Variants in XKR6 observed in about 807,000 individuals in gnomAD.
XKR6 encodes XK-related protein 6.
A neutral mutation model predicts 56.7 loss-of-function variants in XKR6; 22 were observed. The ratio of observed to expected loss-of-function variants is 0.39; its 90% CI spans 0.28 to 0.55. XKR6 has a LOEUF of 0.55. Among genes scored for constraint, XKR6 ranks in the 20% least tolerant of loss-of-function variants. The pLI, the probability that XKR6 is intolerant of heterozygous loss-of-function variation, is 0.66. For missense variants in XKR6, 852 were observed against 889.0 expected, an observed-to-expected ratio of 0.96 and a Z score of 0.53; for synonymous variants, 524 against 387.8, an observed-to-expected ratio of 1.35 and a Z score of -4.13.
At chr8:10,928,413 G>A (rs1800959513) in intron 1 of XKR6, among the ~76,000 whole-genome samples, 1 of 152,254 alleles carries the variant, frequency 6.6e-6, no homozygotes. Flanking sequence ...AAACAACGAG[G>A]CAGATGGGTG....
In XKR6 at chr8:11,010,241, G is replaced by A. The variant is rs188419373; in HGVS notation, c.765-85411C>T. 1.1e-3 allele frequency among the ~76,000 whole-genome samples: 173 copies of A among 152,288 alleles called. 2 individuals carry two copies. The highest frequency in any genetic ancestry group is 4.0e-3 in the African/African-American group (165 of 41,554). On this transcript the variant is annotated intron_variant, in intron 1 of 2. Transcript: ENST00000416569. ...AGAACTCACTTGCTATCACAAGACT[G>A]GCAAGGGGGAAGTCCACCCCCATGA...
intron 1 of XKR6, among the ~76,000 whole-genome samples, chr8:11,112,778 C>G (rs1464535670): frequency 1.3e-5 from 2 of 152,170 alleles, no homozygotes; most frequent in Non-Finnish European, 2.9e-5. Context: ...TAATGGGGCC[C>G]AGATTTCCAT....
At chr8:11,082,482 A>G (rs1239430041) in intron 1 of XKR6, among the ~76,000 whole-genome samples, 1 of 152,226 alleles carries the variant, frequency 6.6e-6, no homozygotes, top group East Asian at 1.9e-4. Flanking sequence ...TAAGCCACAG[A>G]GTGGCCAGAC....
chr8:11,062,751 C>T (rs1047116328), intron 1 of XKR6: 11 of 456,152 alleles, frequency 2.4e-5, no homozygotes, highest in Admixed American at 9.4e-5. Flanking sequence ...TAAACAGCTA[C>T]GTACTTACAG....
chr8:11,166,297 T>A (rs952719518), intron 1 of XKR6, among the ~76,000 whole-genome samples: 1 of 152,172 alleles, frequency 6.6e-6, no homozygotes, highest in Admixed American at 6.5e-5. Context: ...GGATTGCGTG[T>A]TCACAGTGGG....
At chr8:11,115,821 G>A (rs1404933974) in intron 1 of XKR6, among the ~76,000 whole-genome samples, 1 of 152,102 alleles carries the variant, frequency 6.6e-6, no homozygotes, top group African/African-American at 2.4e-5. Flanking sequence ...CAGCATAAAT[G>A]GGTTAAAACC....
At chr8:10,988,098 C>T (rs1797904663) in intron 1 of XKR6, among the ~76,000 whole-genome samples, 1 of 152,210 alleles carries the variant, frequency 6.6e-6, no homozygotes, top group Non-Finnish European at 1.5e-5. Flanking sequence ...TCTAAAGTTT[C>T]ACCCTCCCCT....
At chr8:11,142,062 G>C (rs932140515) in intron 1 of XKR6, among the ~76,000 whole-genome samples, 1 of 149,552 alleles carries the variant, frequency 6.7e-6, no homozygotes, top group Non-Finnish European at 1.5e-5. Context: ...ACCAAGACAA[G>C]TTGTTCTGAA....
At chr8:11,012,345 T>C (rs1020868476) in intron 1 of XKR6, among the ~76,000 whole-genome samples, 2 of 152,248 alleles carry the variant, frequency 1.3e-5, no homozygotes, top group Admixed American at 6.5e-5. Context: ...CCATTTCTTA[T>C]TTGTAAAATG....
chr8:11,005,514 G>A (rs1220976507), intron 1 of XKR6, among the ~76,000 whole-genome samples: 1 of 152,134 alleles, frequency 6.6e-6, no homozygotes, highest in African/African-American at 2.4e-5. Flanking sequence ...CACCATGGAT[G>A]TACTCAATGC....
intron 1 of XKR6, among the ~76,000 whole-genome samples, chr8:11,145,173 T>C (rs889754201): frequency 2.6e-5 from 4 of 152,172 alleles, no homozygotes; most frequent in African/African-American, 9.7e-5. Context: ...CACTGGAGCA[T>C]TTTGGATTTC....
intron 1 of XKR6, among the ~76,000 whole-genome samples, chr8:11,091,762 T>A (rs941529953): frequency 5.3e-5 from 8 of 152,128 alleles, no homozygotes; most frequent in African/African-American, 1.9e-4. Flanking sequence ...CATGTGAAAC[T>A]GAAGAAACTG....
chr8:11,144,223 AGTGT>A (rs35351104), intron 1 of XKR6, among the ~76,000 whole-genome samples: 2,112 of 136,502 alleles, frequency 0.015, 24 homozygotes, highest in Non-Finnish European at 0.02. Flanking sequence ...TTAAATAAAA[AGTGT>A]GTGTGTGTGT....
At chr8:11,086,150 T>TATATATATATATATATATATATATA (rs1439777662) in intron 1 of XKR6, among the ~76,000 whole-genome samples, 26 of 112,736 alleles carry the variant, frequency 2.3e-4, no homozygotes, top group African/African-American at 1.1e-3. Context: ...ATATATATAT[T>TATATATATATATATATATATATATA]TTTTTTTAAA....
chr8:11,095,412 G>A (rs532826661), intron 1 of XKR6, among the ~76,000 whole-genome samples: 4 of 152,346 alleles, frequency 2.6e-5, no homozygotes, highest in African/African-American at 4.8e-5. Context: ...AGACAAGCAT[G>A]AGAATCAGCA....
At chr8:11,070,691 T>A (rs1800092332) in intron 1 of XKR6, among the ~76,000 whole-genome samples, 1 of 152,202 alleles carries the variant, frequency 6.6e-6, no homozygotes, top group Non-Finnish European at 1.5e-5. Context: ...TCACAGTTTA[T>A]AAAACACTTA....
rs371593422 is a variant in XKR6, at chr8:10,924,638, C to A, written c.957G>T (p.Leu319=). 1.4e-5 allele frequency: 23 copies of A among 1,600,456 alleles called. 1 individual carries two copies. The African/African-American group carries it at 2.7e-4, about 19-fold the overall frequency. Residue 319 remains leucine (L), a synonymous_variant, in exon 2 of 3, where the codon CTG becomes CTT. Coordinates refer to ENST00000416569, the MANE Select transcript of XKR6 (RefSeq NM_173683.4). ...IMLQKNSAET[L]PCVSSVTSLM... ...GCGCGGCCGGCGGGCACTCACAGGGCAGGGTCTCGGCGCTGTTCTTCTGGA... is the reference window on the plus strand; with the variant it reads ...GCGCGGCCGGCGGGCACTCACAGGGAAGGGTCTCGGCGCTGTTCTTCTGGA...
intron 1 of XKR6, among the ~76,000 whole-genome samples, chr8:11,120,031 T>C (rs1799369132): frequency 6.6e-6 from 1 of 152,198 alleles, no homozygotes; most frequent in Non-Finnish European, 1.5e-5. Context: ...TGATGGGACA[T>C]ATCTCAAAAT....
Position 10,967,104 on chromosome 8 carries a change from G to A in XKR6, c.765-42274C>T, listed in dbSNP as rs991253317. 2.6e-5 allele frequency among the ~76,000 whole-genome samples: 4 copies of A among 152,316 alleles called. No individual in the cohort carries two copies. In the East Asian group the frequency reaches 5.8e-4, roughly 22 times the overall value. ...GCCCGCATTCCAACAAGATCCCTGC[G>A]TCATAGGTCTGCATGACAGTGCGTG... On this transcript the variant is annotated intron_variant, in intron 1 of 2. Transcript: ENST00000416569.
Sources: allele counts gnomAD v4.1 joint callset (sites outside exome capture counted in the v4.1 genomes callset), GRCh38; gene constraint gnomAD v4.1.1; transcripts MANE v1.5; gene names NCBI Gene and HGNC (gene_info 2026-07-23, HGNC 2026-07-21).